The following SCMH1 variants were observed in gnomAD, a reference collection of about 807,000 sequenced individuals.
SCMH1 encodes the protein Scm polycomb group protein homolog 1.
Under a neutral mutation model 70.8 loss-of-function variants are expected in SCMH1, and 37 were observed. The observed-to-expected ratio is 0.52, with a 90% CI of 0.40 to 0.69. The LOEUF is 0.69. Among genes scored for constraint, SCMH1 ranks in the 30% least tolerant of loss-of-function variants. SCMH1 has a pLI of 0.00. For synonymous variants in SCMH1, 292 were observed against 307.4 expected (o/e 0.95, Z 0.52); for missense variants, 607 against 827.3 (o/e 0.73, Z 3.27).
chr1:41,028,421 C>T, intron 14 of SCMH1, 102 bp from the exon 16 acceptor site: 2 of 1,531,156 alleles, frequency 1.3e-6, no homozygotes, highest in Non-Finnish European at 8.9e-7. Context: ...CTGGGAAGTG[C>T]CCGCCACATG....
intron 1 of SCMH1, among the ~76,000 whole-genome samples, chr1:41,222,959 G>T (rs952230919): frequency 2.0e-5 from 3 of 152,036 alleles, no homozygotes; most frequent in Non-Finnish European, 4.4e-5. Flanking sequence ...TTATATTATT[G>T]TACTATTTTG....
At chr1:41,127,105 TTATTA>T (rs1673379762) in intron 6 of SCMH1, among the ~76,000 whole-genome samples, 1 of 152,170 alleles carries the variant, frequency 6.6e-6, no homozygotes, top group African/African-American at 2.4e-5. Flanking sequence ...TGCACTTATT[TTATTA>T]TGAGTGGTGT....
At chr1:41,044,667 T>C (rs2268681) in intron 12 of SCMH1, among the ~76,000 whole-genome samples, 11,892 of 151,864 alleles carry the variant, frequency 0.078, 600 homozygotes, top group South Asian at 0.13. Context: ...TGTCTGAAAA[T>C]GGGGAAGGGA....
intron 8 of SCMH1, among the ~76,000 whole-genome samples, chr1:41,084,026 G>A (rs1325794095): frequency 6.6e-6 from 1 of 152,090 alleles, no homozygotes; most frequent in African/African-American, 2.4e-5. Flanking sequence ...AAAAACCCTA[G>A]AAGAAATCCT....
chr1:41,131,559 T>G (rs936672873), intron 6 of SCMH1, among the ~76,000 whole-genome samples: 2 of 152,236 alleles, frequency 1.3e-5, no homozygotes, highest in African/African-American at 2.4e-5. Context: ...CAACTATTAT[T>G]ATTTTGTATT....
intron 1 of SCMH1, among the ~76,000 whole-genome samples, chr1:41,200,607 G>A (rs369161456): frequency 1.1e-3 from 161 of 151,358 alleles, no homozygotes; most frequent in South Asian, 1.9e-3. Context: ...CTTTACACAC[G>A]CACACATAAA....
intron 12 of SCMH1, among the ~76,000 whole-genome samples, chr1:41,045,248 G>A (rs1646752961): frequency 6.6e-6 from 1 of 152,292 alleles, no homozygotes; most frequent in East Asian, 1.9e-4. Flanking sequence ...CATGGGTTAG[G>A]TGAGGAGAAG....
At chr1:41,084,707 G>T (rs917509148) in intron 8 of SCMH1, among the ~76,000 whole-genome samples, 6 of 152,062 alleles carry the variant, frequency 3.9e-5, no homozygotes, top group African/African-American at 1.2e-4. Context: ...ATTCATAATA[G>T]CAAAGACTTG....
intron 5 of SCMH1, among the ~76,000 whole-genome samples, chr1:41,149,006 T>C (rs1644833277): frequency 6.6e-6 from 1 of 152,178 alleles, no homozygotes; most frequent in Non-Finnish European, 1.5e-5. Flanking sequence ...TTAGCCAGGA[T>C]GGTCTTAATC....
chr1:41,143,747 G>A (rs1053142084), intron 5 of SCMH1, among the ~76,000 whole-genome samples: 10 of 150,130 alleles, frequency 6.7e-5, no homozygotes, highest in African/African-American at 2.5e-4. Context: ...CTCTTCTTCT[G>A]GCCCCTCCAG....
At chr1:41,235,075 A>G (rs1293927986) in intron 1 of SCMH1, among the ~76,000 whole-genome samples, 5 of 152,096 alleles carry the variant, frequency 3.3e-5, no homozygotes, top group Non-Finnish European at 7.4e-5. Context: ...TACCATGCCC[A>G]ATGCATTTTG....
In SCMH1 at chr1:41,072,959, G is replaced by C. The variant is rs1571806115; in HGVS notation, c.979-2238C>G. On this transcript the variant is annotated intron_variant, in intron 9 of 14. Transcript: ENST00000337495. ...TAGGGGTAGGCAAAAGAGCACGAAG[G>C]AGAATTAAGAGTATCAAATGCTAGG... Among the ~76,000 whole-genome samples the C allele has an allele frequency of 3.3e-5, 5 of 152,180 alleles. No homozygotes were observed. The South Asian group carries it at 1.0e-3, about 32-fold the overall frequency.
intron 1 of SCMH1, among the ~76,000 whole-genome samples, chr1:41,200,499 A>G (rs1044093838): frequency 1.9e-5 from 2 of 107,554 alleles, no homozygotes; most frequent in African/African-American, 5.4e-5. Context: ...AAATAAATGT[A>G]ATAATAATAA....
chr1:41,037,316 GAA>G, intron 13 of SCMH1, 44 bp downstream of exon 13: 1 of 1,581,150 alleles, frequency 6.3e-7, no homozygotes, highest in South Asian at 1.1e-5. Flanking sequence ...GGAAGTGAAG[GAA>G]AGAGTGAGGG....
chr1:41,046,252 G>A (rs1006045912), intron 12 of SCMH1, among the ~76,000 whole-genome samples, 155 bp downstream of exon 12: 2 of 152,198 alleles, frequency 1.3e-5, no homozygotes, highest in African/African-American at 4.8e-5. Flanking sequence ...AGGAGGCTGA[G>A]AAGTCTCAGA....
intron 1 of SCMH1, among the ~76,000 whole-genome samples, chr1:41,219,361 G>C (rs2148838427): frequency 6.6e-6 from 1 of 152,250 alleles, no homozygotes; most frequent in Non-Finnish European, 1.5e-5. Context: ...ACCTGAAAGG[G>C]ATCATGGGAA....
At chr1:41,216,173 GTC>G (rs1424909346) in intron 1 of SCMH1, among the ~76,000 whole-genome samples, 1 of 152,202 alleles carries the variant, frequency 6.6e-6, no homozygotes, top group Non-Finnish European at 1.5e-5. Flanking sequence ...GCTAGAGCTA[GTC>G]TCTCACTAGC....
At chr1:41,241,279 C>T (rs1663463471) in intron 1 of SCMH1, among the ~76,000 whole-genome samples, 1 of 152,240 alleles carries the variant, frequency 6.6e-6, no homozygotes, top group African/African-American at 2.4e-5. Flanking sequence ...TTCCGGGGTT[C>T]ACCCATCGGC....
intron 6 of SCMH1, among the ~76,000 whole-genome samples, chr1:41,132,848 T>C (rs111363662): frequency 0.03 from 4,540 of 152,208 alleles, 214 homozygotes; most frequent in African/African-American, 0.1. Flanking sequence ...GATCAGATGG[T>C]TGTAGATGTG....
Sources: allele counts gnomAD v4.1 joint callset (sites outside exome capture counted in the v4.1 genomes callset), GRCh38; gene constraint gnomAD v4.1.1; transcripts MANE v1.5; gene names NCBI Gene and HGNC (gene_info 2026-07-23, HGNC 2026-07-21).